Variants in EBF1 observed in about 807,000 individuals in gnomAD.
EBF1 encodes the protein EBF transcription factor 1.
EBF1 carries 10 observed loss-of-function variants against 68.4 expected under a neutral mutation model. That is an observed-to-expected ratio of 0.15 (90% confidence interval 0.09 to 0.25). EBF1 has a LOEUF of 0.25. Ranked by LOEUF, EBF1 falls within the 10% of genes least tolerant of loss-of-function variation. EBF1 has a pLI of 1.00. For missense variants in EBF1, 509 were observed against 794.4 expected (o/e 0.64, Z 4.32); for synonymous variants, 298 against 299.8 (o/e 0.99, Z 0.06).
intron 5 of EBF1, 118 bp from the exon 6 acceptor site, chr5:159,073,582 C>G (rs969655403): frequency 4.6e-6 from 5 of 1,094,366 alleles, no homozygotes; most frequent in Middle Eastern, 2.0e-4. Context: ...AAAGCCATAC[C>G]TGGCAATCAA....
Position 158,823,441 on chromosome 5 carries a change from T to C in EBF1, c.637-124A>G. The C allele has an allele frequency of 7.8e-6, 7 of 893,628 alleles. 1 individual carries two copies. In the South Asian group the frequency reaches 1.3e-4, roughly 16 times the overall value. 55.4% of individuals were successfully genotyped at this position (893,628 alleles called of 1,614,324 possible). ...TTGCATAGCTATTTCACATAATAAC[T>C]GGTGCTTATGCTGTACAAGTCTAAC... On this transcript the variant is annotated intron_variant, in intron 7 of 15. Transcript: ENST00000313708.
In EBF1 at chr5:158,927,382, T is replaced by G. The variant is rs749417389; in HGVS notation, c.555-87272A>C. Among the ~76,000 whole-genome samples, 77 of 152,342 alleles carry G rather than the reference T, an allele frequency of 5.1e-4. 2 individuals are homozygous for G. The highest frequency in any genetic ancestry group is 2.8e-4 in the Non-Finnish European group (19 of 68,038). On this transcript the variant is annotated intron_variant, in intron 6 of 15. Transcript: ENST00000313708. ...TGTTTCAGTTCATGAACCACTGCTT[T>G]GTTCTTCTTCTTGTGTCCCGGAGCC...
chr5:158,817,634 T>C (rs922661996), intron 8 of EBF1, among the ~76,000 whole-genome samples: 4 of 152,154 alleles, frequency 2.6e-5, no homozygotes, highest in African/African-American at 4.8e-5. Context: ...CTAAGACACC[T>C]AGTAAAAACC....
intron 10 of EBF1, among the ~76,000 whole-genome samples, chr5:158,756,723 T>C (rs954699614): frequency 6.6e-6 from 1 of 151,464 alleles, no homozygotes; most frequent in Non-Finnish European, 1.5e-5. Flanking sequence ...GATGAATGAA[T>C]GAAAGAATGA....
At chr5:159,055,239 C>T (rs1242886354) in intron 6 of EBF1, among the ~76,000 whole-genome samples, 1 of 152,156 alleles carries the variant, frequency 6.6e-6, no homozygotes, top group Non-Finnish European at 1.5e-5. Flanking sequence ...TGTCCAATGT[C>T]AGATATGAGA....
chr5:158,868,147 A>G (rs1159621146), intron 6 of EBF1, among the ~76,000 whole-genome samples: 1 of 151,820 alleles, frequency 6.6e-6, no homozygotes, highest in Non-Finnish European at 1.5e-5. Flanking sequence ...TTTTTTTGCC[A>G]TATTCTTCAT....
intron 6 of EBF1, among the ~76,000 whole-genome samples, chr5:159,071,847 T>C (rs947150865): frequency 6.6e-6 from 1 of 152,214 alleles, no homozygotes; most frequent in Admixed American, 6.5e-5. Context: ...TTCAAAGTTT[T>C]GGGGACTATT....
At chr5:159,005,048 GA>G (rs1252970831) in intron 6 of EBF1, among the ~76,000 whole-genome samples, 1 of 152,160 alleles carries the variant, frequency 6.6e-6, no homozygotes, top group African/African-American at 2.4e-5. Flanking sequence ...GACTGCAATA[GA>G]AAAGTTCCCA....
chr5:158,895,556 G>C (rs1802009470), intron 6 of EBF1, among the ~76,000 whole-genome samples: 1 of 152,066 alleles, frequency 6.6e-6, no homozygotes, highest in South Asian at 2.1e-4. Flanking sequence ...CAAGAGGCTG[G>C]GCCAGAAAGA....
At chr5:158,748,482 T>C (rs766474388) in intron 10 of EBF1, among the ~76,000 whole-genome samples, 1 of 152,178 alleles carries the variant, frequency 6.6e-6, no homozygotes, top group Non-Finnish European at 1.5e-5. Flanking sequence ...CCAATCTTAA[T>C]TGAATGCACA....
chr5:158,977,533 T>C (rs1757018741), intron 6 of EBF1, among the ~76,000 whole-genome samples: 1 of 152,222 alleles, frequency 6.6e-6, no homozygotes, highest in Admixed American at 6.5e-5. Flanking sequence ...ATTAAAAATA[T>C]ACGTTCTCCC....
chr5:158,896,927 C>G (rs1802291442), intron 6 of EBF1, among the ~76,000 whole-genome samples: 1 of 152,072 alleles, frequency 6.6e-6, no homozygotes, highest in African/African-American at 2.4e-5. Context: ...CAGAGATGTG[C>G]CCAGTTCTTA....
intron 6 of EBF1, among the ~76,000 whole-genome samples, chr5:158,904,190 G>A (rs527928685): frequency 7.9e-5 from 12 of 152,218 alleles, no homozygotes; most frequent in African/African-American, 2.9e-4. Flanking sequence ...GTGCCTTCTG[G>A]AGCCTCAATT....
chr5:159,057,733 G>C (rs373058127), intron 6 of EBF1, among the ~76,000 whole-genome samples: 2 of 152,182 alleles, frequency 1.3e-5, no homozygotes, highest in Non-Finnish European at 2.9e-5. Context: ...GGGCTGAACT[G>C]TAATCTCTGA....
chr5:158,723,933 T>G (rs1335933160), intron 11 of EBF1, among the ~76,000 whole-genome samples: 1 of 152,100 alleles, frequency 6.6e-6, no homozygotes, highest in Non-Finnish European at 1.5e-5. Flanking sequence ...AACGCACACA[T>G]GCACGCACAC....
At chr5:158,993,718 G>T (rs1304022800) in intron 6 of EBF1, among the ~76,000 whole-genome samples, 1 of 152,158 alleles carries the variant, frequency 6.6e-6, no homozygotes, top group Non-Finnish European at 1.5e-5. Flanking sequence ...CACGTGTAAA[G>T]ATTATCACTG....
intron 9 of EBF1, among the ~76,000 whole-genome samples, chr5:158,778,598 T>C (rs1775781512): frequency 6.6e-6 from 1 of 152,132 alleles, no homozygotes; most frequent in African/African-American, 2.4e-5. Context: ...AGTTTGAGTG[T>C]TTTGCCCAGA....
At chr5:159,050,152 T>C (rs949914965) in intron 6 of EBF1, among the ~76,000 whole-genome samples, 30 of 135,602 alleles carry the variant, frequency 2.2e-4, no homozygotes, top group Admixed American at 6.4e-4. Context: ...TCGTTTCTCT[T>C]TCTCTCTCTC....
At chr5:158,850,319 G>A (rs1418278879) in intron 6 of EBF1, among the ~76,000 whole-genome samples, 1 of 152,028 alleles carries the variant, frequency 6.6e-6, no homozygotes, top group African/African-American at 2.4e-5. Context: ...TATTCATTCA[G>A]TCTGTCCTTA....
Sources: allele counts gnomAD v4.1 joint callset (sites outside exome capture counted in the v4.1 genomes callset), GRCh38; gene constraint gnomAD v4.1.1; transcripts MANE v1.5; gene names NCBI Gene and HGNC (gene_info 2026-07-23, HGNC 2026-07-21).